The following LURAP1 variants were observed in gnomAD, a reference collection of about 807,000 sequenced individuals.
The protein encoded by LURAP1 is leucine rich adaptor protein 1, also known as NF-kappa-B activator C1orf190.
Under a neutral mutation model 19.0 loss-of-function variants are expected in LURAP1, and 14 were observed. The observed-to-expected ratio is 0.74, with a 90% confidence interval of 0.49 to 1.15. The LOEUF (loss-of-function observed/expected upper bound fraction) is 1.15. Among genes scored for constraint, LURAP1 ranks in the 50% most tolerant of loss-of-function variants. The pLI, the probability that LURAP1 is intolerant of heterozygous loss-of-function variation, is 0.00. For missense variants in LURAP1, 273 were observed against 309.1 expected (o/e 0.88, Z 0.87); for synonymous variants, 129 against 131.8 (o/e 0.98, Z 0.14).
chr1:46,210,231 A>G (rs1259297811), intron 1 of LURAP1, among the ~76,000 whole-genome samples: 1 of 152,126 alleles, frequency 6.6e-6, no homozygotes, highest in Non-Finnish European at 1.5e-5. Flanking sequence ...ATTTTTTTCT[A>G]TGCTTTTGCC....
At chr1:46,203,731 C>A (rs934189658) in intron 1 of LURAP1, 107 bp downstream of exon 1, 27 of 1,078,718 alleles carry the variant, frequency 2.5e-5, no homozygotes, top group Non-Finnish European at 3.4e-5. Context: ...TTAAAACTCT[C>A]CACCTAACTG....
chr1:46,213,871 A>T (rs1658979922), intron 1 of LURAP1, among the ~76,000 whole-genome samples: 1 of 151,970 alleles, frequency 6.6e-6, no homozygotes, highest in Non-Finnish European at 1.5e-5. Flanking sequence ...AAAAAAAAAA[A>T]GATACAGACT....
At chr1:46,214,867 CAAAAAA>C (rs5773905) in intron 1 of LURAP1, among the ~76,000 whole-genome samples, 1 of 89,546 alleles carries the variant, frequency 1.1e-5, no homozygotes, top group Non-Finnish European at 2.0e-5. Context: ...GACTCCATCT[CAAAAAA>C]AAAAAAAAAA....
rs1659212021 is a variant in LURAP1, at chr1:46,220,733, T to G, written c.*513T>G. 1 of 153,186 alleles carries G rather than the reference T, an allele frequency of 6.5e-6. No homozygotes were observed. The allele number at this position is 153,186 out of a possible 1,614,324, so 9.5% of individuals were successfully genotyped here. A position where few individuals can be genotyped will look rare whatever the true frequency, so the allele number is the denominator to read the frequency against. On this transcript the variant is annotated 3_prime_UTR_variant, in exon 2 of 2. Coordinates refer to ENST00000371980, the MANE Select transcript of LURAP1 (RefSeq NM_001013615.3). Reference sequence around the variant, plus strand: ...TGGGATTATGCCCAGCCCCTAGAGATACTTCTATAGAGATATTGACTCTAA... The same window carrying G: ...TGGGATTATGCCCAGCCCCTAGAGAGACTTCTATAGAGATATTGACTCTAA...
Position 46,203,344 on chromosome 1 carries a change from C to T in LURAP1, c.-83C>T. 1.5e-6 allele frequency: 2 copies of T among 1,319,364 alleles called. No individual in the cohort carries two copies. The highest frequency in any genetic ancestry group is 2.9e-5 in the East Asian group (1 of 35,086). 81.7% of individuals were successfully genotyped at this position (1,319,364 alleles called of 1,614,324 possible). On this transcript the variant is annotated 5_prime_UTR_variant, in exon 1 of 2. Coordinates refer to ENST00000371980, the MANE Select transcript of LURAP1 (RefSeq NM_001013615.3). ...GGGCGGGGACCCACCGGTTTTGCTCCGCTTTAGCAGCGGCGAAGGGAGGAC... is the reference window on the plus strand; with the variant it reads ...GGGCGGGGACCCACCGGTTTTGCTCTGCTTTAGCAGCGGCGAAGGGAGGAC...
intron 1 of LURAP1, among the ~76,000 whole-genome samples, chr1:46,216,175 T>C (rs1005553443): frequency 2.0e-5 from 3 of 146,506 alleles, no homozygotes; most frequent in African/African-American, 5.1e-5. Flanking sequence ...ACCTCCCGAG[T>C]AGCTGAGACT....
Position 46,203,473 on chromosome 1 carries a change from A to T in LURAP1, c.47A>T (p.Glu16Val). The change falls in exon 1 of 2, where the codon GAG becomes GTG. Residue 16 changes from glutamate to valine, a missense_variant. By Grantham distance (121) the Glu-to-Val change is moderately radical. Transcript: ENST00000371980. ...CAGACGCCTGACCTGCGGGATGTGG[A>T]GGGTAAGGTGGGCAGGAAGACCCCT... is the stretch of plus-strand genomic sequence containing the variant. ...ESQTPDLRDV[E>V]GKVGRKTPEG... 1.3e-6 allele frequency: 2 copies of T among 1,508,902 alleles called. No homozygotes were observed. Among genetic ancestry groups the T allele is most frequent in the Non-Finnish European group, 1.8e-6 (2 of 1,128,776 alleles). 93.5% of individuals were successfully genotyped at this position (1,508,902 alleles called of 1,614,324 possible).
chr1:46,221,160 A>G lies in LURAP1; in HGVS notation c.*940A>G, dbSNP rs962299125. The G allele has an allele frequency of 6.6e-6, 1 of 152,260 alleles. No individual in the cohort carries two copies. The highest frequency in any genetic ancestry group is 1.5e-5 in the Non-Finnish European group (1 of 68,048). The allele number at this position is 152,260 out of a possible 1,614,324, so 9.4% of individuals were successfully genotyped here. A position where few individuals can be genotyped will look rare whatever the true frequency, so the allele number is the denominator to read the frequency against. Reference sequence around the variant, plus strand: ...GTCCATACCATTACTTCTTGTGAACAGTAACATGTCACTCCTCCTGGCAGG... The same window carrying G: ...GTCCATACCATTACTTCTTGTGAACGGTAACATGTCACTCCTCCTGGCAGG... On this transcript the variant is annotated 3_prime_UTR_variant, in exon 2 of 2. Transcript: ENST00000371980.
intron 1 of LURAP1, among the ~76,000 whole-genome samples, chr1:46,204,413 C>G (rs1292428703): frequency 6.6e-6 from 1 of 152,208 alleles, no homozygotes; most frequent in African/African-American, 2.4e-5. Flanking sequence ...GCCCTGATTC[C>G]GGTGAAGTGG....
intron 1 of LURAP1, 142 bp downstream of exon 1, chr1:46,203,766 C>A: frequency 1.3e-6 from 1 of 755,722 alleles, no homozygotes; most frequent in Non-Finnish European, 2.0e-6. Context: ...CAGATCAATC[C>A]GTAAACGCTG....
intron 1 of LURAP1, among the ~76,000 whole-genome samples, chr1:46,218,125 G>A (rs1659122422): frequency 6.6e-6 from 1 of 152,168 alleles, no homozygotes; most frequent in Non-Finnish European, 1.5e-5. Context: ...AAACTGGGCT[G>A]GGTGTGGTGG....
chr1:46,214,698 T>A (rs1659009679), intron 1 of LURAP1, among the ~76,000 whole-genome samples: 1 of 151,742 alleles, frequency 6.6e-6, no homozygotes, highest in African/African-American at 2.4e-5. Context: ...AAACCCCATC[T>A]CTACTAAAAA....
intron 1 of LURAP1, among the ~76,000 whole-genome samples, chr1:46,210,223 T>A (rs926788559): frequency 1.3e-5 from 2 of 152,196 alleles, no homozygotes; most frequent in African/African-American, 2.4e-5. Flanking sequence ...GGTATAAAAT[T>A]TTTTTCTATG....
At position 46,203,361 on chromosome 1, in the gene LURAP1, A is replaced by G; in HGVS notation, c.-66A>G. On this transcript the variant is annotated 5_prime_UTR_variant, in exon 1 of 2. Transcript: ENST00000371980. ...TTTTGCTCCGCTTTAGCAGCGGCGA[A>G]GGGAGGACCCCCGGGAGCCGGTCCC... The G allele has an allele frequency of 7.2e-7, 1 of 1,396,684 alleles. No individual in the cohort carries two copies. The highest frequency in any genetic ancestry group is 9.4e-7 in the Non-Finnish European group (1 of 1,058,226). The allele number at this position is 1,396,684 out of a possible 1,614,324, so 86.5% of individuals were successfully genotyped here. A position where few individuals can be genotyped will look rare whatever the true frequency, so the allele number is the denominator to read the frequency against.
At chr1:46,205,450 A>G (rs1283516803) in intron 1 of LURAP1, among the ~76,000 whole-genome samples, 4 of 152,228 alleles carry the variant, frequency 2.6e-5, no homozygotes, top group African/African-American at 9.6e-5. Flanking sequence ...TGTGCCAGAT[A>G]GTCTGAACAT....
chr1:46,219,689 A>G lies in LURAP1; in HGVS notation c.199-10A>G. On this transcript the variant is annotated splice_polypyrimidine_tract_variant and intron_variant, in intron 1 of 1. Transcript: ENST00000371980. ...AGAACTGGGACTAATTCCTTCTCCCACTCCCCCAGGCTTACCTGCGAGCCA... is the reference window on the plus strand; with the variant it reads ...AGAACTGGGACTAATTCCTTCTCCCGCTCCCCCAGGCTTACCTGCGAGCCA... 2 of 1,558,304 alleles carry G rather than the reference A, an allele frequency of 1.3e-6. No homozygotes were observed. Among genetic ancestry groups the G allele is most frequent in the Non-Finnish European group, 1.7e-6 (2 of 1,151,794 alleles).
Position 46,219,768 on chromosome 1 carries a change from G to C in LURAP1, c.268G>C (p.Val90Leu), listed in dbSNP as rs980531685. 9 of 1,613,986 alleles carry C rather than the reference G, an allele frequency of 5.6e-6. No homozygotes were observed. Among genetic ancestry groups the C allele is most frequent in the Non-Finnish European group, 7.6e-6 (9 of 1,179,934 alleles). Residue 90 changes from valine (V) to leucine (L), a missense_variant, in exon 2 of 2, where the codon GTG becomes CTG. Val to Leu is a conservative substitution (Grantham distance 32). Transcript: ENST00000371980. The part of the protein sequence containing the change: ...LVTLNEGIEA[V>L]RWLLEERGTL... ...GACCTTGAATGAGGGCATCGAGGCA[G>C]TGCGCTGGCTGTTGGAGGAGCGGGG...
chr1:46,211,343 C>T (rs1464043835), intron 1 of LURAP1, among the ~76,000 whole-genome samples: 1 of 151,978 alleles, frequency 6.6e-6, no homozygotes, highest in Admixed American at 6.6e-5. Context: ...CAGAAAGAGA[C>T]TGTTTCCTGA....
intron 1 of LURAP1, among the ~76,000 whole-genome samples, chr1:46,215,742 A>G (rs563353099): frequency 6.6e-6 from 1 of 152,142 alleles, no homozygotes; most frequent in Non-Finnish European, 1.5e-5. Flanking sequence ...ACAAAAAAAA[A>G]TTTAAAAATT....
Sources: allele counts gnomAD v4.1 joint callset (sites outside exome capture counted in the v4.1 genomes callset), GRCh38; gene constraint gnomAD v4.1.1; transcripts MANE v1.5; gene names NCBI Gene and HGNC (gene_info 2026-07-23, HGNC 2026-07-21).